Variants in TUSC3 observed in about 807,000 individuals in gnomAD.
The protein encoded by TUSC3 is dolichyl-diphosphooligosaccharide--protein glycosyltransferase subunit TUSC3.
A neutral mutation model predicts 44.8 loss-of-function variants in TUSC3; 45 were observed. The observed-to-expected ratio is 1.00, with a 90% CI of 0.79 to 1.29. TUSC3 has a LOEUF of 1.29. TUSC3 is among the 50% of genes most tolerant of loss of function. TUSC3 has a pLI of 0.00. For synonymous variants in TUSC3, 212 were observed against 152.9 expected, an observed-to-expected ratio of 1.39 and a Z score of -2.85; for missense variants, 519 against 437.9, an observed-to-expected ratio of 1.19 and a Z score of -1.65.
chr8:15,780,054 T>C, the TUSC3 span, among the ~76,000 whole-genome samples: 1 of 152,198 alleles, frequency 6.6e-6, no homozygotes, highest in Non-Finnish European at 1.5e-5. Flanking sequence ...CAATGTGTTA[T>C]GCCATTCAGA....
chr8:15,525,499 T>C (rs973961347), intron 2 of TUSC3, among the ~76,000 whole-genome samples: 2 of 152,246 alleles, frequency 1.3e-5, no homozygotes, highest in Non-Finnish European at 2.9e-5. Context: ...AGTTTTAATG[T>C]ATAATATGGC....
At chr8:15,523,011 T>C (rs2129129708) in intron 2 of TUSC3, among the ~76,000 whole-genome samples, 1 of 152,248 alleles carries the variant, frequency 6.6e-6, no homozygotes, top group Admixed American at 6.5e-5. Context: ...AGACTGATGC[T>C]CAATCCTGTA....
rs138151252 is a variant in TUSC3 at position 15,453,764 on chromosome 8, G to T, written n.92-29622G>T. Among the ~76,000 whole-genome samples, 391 of 152,182 alleles carry T rather than the reference G, an allele frequency of 2.6e-3. 2 individuals are homozygous for T. Among genetic ancestry groups the T allele is most frequent in the Admixed American group, 6.9e-3 (105 of 15,288 alleles). On this transcript the variant is annotated intron_variant and non_coding_transcript_variant, in intron 1 of 5. Coordinates refer to the TUSC3 transcript ENST00000503191. Reference sequence around the variant, plus strand: ...AGTCAGACAGAGCAGGGCGGGAGAGGGCTCCCCCTACCCACAACCAGGAAT... The same window carrying T: ...AGTCAGACAGAGCAGGGCGGGAGAGTGCTCCCCCTACCCACAACCAGGAAT...
At chr8:15,569,971 C>G (rs1563295063) in intron 1 of TUSC3, among the ~76,000 whole-genome samples, 2 of 151,984 alleles carry the variant, frequency 1.3e-5, no homozygotes, top group Non-Finnish European at 2.9e-5. Context: ...AGAGGCAATT[C>G]ATTTTCTTTA....
the TUSC3 span, among the ~76,000 whole-genome samples, chr8:15,845,201 T>G: frequency 1.3e-5 from 2 of 152,056 alleles, no homozygotes; most frequent in Non-Finnish European, 2.9e-5. Context: ...GTAGTTTGAG[T>G]GGTAAGTCTA....
chr8:15,824,210 A>T, the TUSC3 span, among the ~76,000 whole-genome samples: 1 of 152,172 alleles, frequency 6.6e-6, no homozygotes, highest in Non-Finnish European at 1.5e-5. Flanking sequence ...ATATCTTGTT[A>T]TTGATTATTA....
At chr8:15,523,664 A>ATATATGTGTG (rs1345376349) in intron 2 of TUSC3, among the ~76,000 whole-genome samples, 26 of 42,470 alleles carry the variant, frequency 6.1e-4, no homozygotes, top group African/African-American at 2.1e-3. Context: ...ATATATATAT[A>ATATATGTGTG]TGTGTGTGTG....
the TUSC3 span, among the ~76,000 whole-genome samples, chr8:15,844,542 T>C: frequency 2.0e-5 from 3 of 152,194 alleles, no homozygotes; most frequent in Non-Finnish European, 4.4e-5. Flanking sequence ...AAAGATCACA[T>C]GTCCATAACT....
intron 1 of TUSC3, among the ~76,000 whole-genome samples, chr8:15,452,406 C>G (rs572289494): frequency 2.4e-4 from 36 of 152,184 alleles, no homozygotes; most frequent in African/African-American, 7.9e-4. Context: ...ATTACTCACG[C>G]CTTTAATTAA....
chr8:15,451,269 C>A (rs1239421723), intron 1 of TUSC3, among the ~76,000 whole-genome samples: 2 of 152,126 alleles, frequency 1.3e-5, no homozygotes, highest in Non-Finnish European at 2.9e-5. Context: ...TCCTGAAACC[C>A]TGGAATCCCT....
chr8:15,711,538 A>G (rs1340319638), intron 6 of TUSC3, among the ~76,000 whole-genome samples: 1 of 150,102 alleles, frequency 6.7e-6, no homozygotes, highest in South Asian at 2.1e-4. Flanking sequence ...ATATGTATAT[A>G]TATTTGTTTA....
chr8:15,484,602 C>G (rs745563173), intron 2 of TUSC3, among the ~76,000 whole-genome samples: 3 of 152,178 alleles, frequency 2.0e-5, no homozygotes, highest in Non-Finnish European at 4.4e-5. Flanking sequence ...TAAAATTAAT[C>G]TTGAGTACCT....
intron 1 of TUSC3, among the ~76,000 whole-genome samples, chr8:15,583,647 A>G (rs878876368): frequency 6.6e-6 from 1 of 152,192 alleles, no homozygotes; most frequent in Admixed American, 6.5e-5. Context: ...GCTTAGTGGG[A>G]TAGCAGGATA....
intron 1 of TUSC3, among the ~76,000 whole-genome samples, chr8:15,468,202 G>A (rs916256263): frequency 6.6e-6 from 1 of 152,146 alleles, no homozygotes; most frequent in African/African-American, 2.4e-5. Flanking sequence ...GTTGGTTTTG[G>A]TTTTTTCCTG....
intron 1 of TUSC3, among the ~76,000 whole-genome samples, chr8:15,599,625 A>G (rs1257234573): frequency 6.7e-6 from 1 of 148,164 alleles, no homozygotes; most frequent in East Asian, 2.0e-4. Flanking sequence ...GTCTAGATTC[A>G]TTTTTTTGCA....
At chr8:15,427,011 C>G (rs1275947905) in intron 1 of TUSC3, among the ~76,000 whole-genome samples, 1 of 151,092 alleles carries the variant, frequency 6.6e-6, no homozygotes, top group East Asian at 1.9e-4. Flanking sequence ...ATTTGTACGT[C>G]TACATTGAAG....
At chr8:15,540,616 G>T in intron 1 of TUSC3, 48 bp downstream of exon 1, 1 of 1,492,882 alleles carries the variant, frequency 6.7e-7, no homozygotes, top group Non-Finnish European at 9.0e-7. Flanking sequence ...GGCGGGCCAG[G>T]GTGGGCCGCG....
chr8:15,842,940 A>T, the TUSC3 span, among the ~76,000 whole-genome samples: 1 of 152,226 alleles, frequency 6.6e-6, no homozygotes, highest in Non-Finnish European at 1.5e-5. Context: ...AAAAGTGTTC[A>T]CATTGTTTTT....
chr8:15,623,231 G>A lies in TUSC3; in HGVS notation c.290G>A (p.Arg97Gln), dbSNP rs777763298. 4 of 1,607,400 alleles carry A rather than the reference G, an allele frequency of 2.5e-6. No homozygotes were observed. Among genetic ancestry groups the A allele is most frequent in the Admixed American group, 3.4e-5 (2 of 59,576 alleles). ...IVMFTALQPQ[R>Q]QCSVCRQANE... ...ATGTTCACTGCTCTTCAGCCTCAGC[G>A]GCAGTGTTCTGTGTGCAGGTAATTT... Residue 97 changes from arginine to glutamine, a missense_variant, in exon 2 of 11, where the codon CGG becomes CAG. Transcript: ENST00000503731.
Sources: allele counts gnomAD v4.1 joint callset (sites outside exome capture counted in the v4.1 genomes callset), GRCh38; gene constraint gnomAD v4.1.1; transcripts MANE v1.5; gene names NCBI Gene and HGNC (gene_info 2026-07-23, HGNC 2026-07-21).